The following AKAP6 variants were observed in gnomAD, a reference collection of about 807,000 sequenced individuals.
AKAP6 encodes the protein A-kinase anchor protein 6.
In AKAP6, 58 loss-of-function variants were observed where a neutral mutation model predicts 188.5. The ratio of observed to expected loss-of-function variants is 0.31; its 90% CI spans 0.25 to 0.38. AKAP6 has a LOEUF of 0.38. Ranked by LOEUF, AKAP6 falls within the 10% of genes least tolerant of loss-of-function variation. The pLI, the probability that AKAP6 is intolerant of heterozygous loss-of-function variation, is 1.00. For missense variants in AKAP6, 2,710 were observed against 2,740.0 expected (o/e 0.99, Z 0.24); for synonymous variants, 989 against 998.6 (o/e 0.99, Z 0.18).
chr14:32,502,424 C>T (rs534725798), intron 2 of AKAP6, among the ~76,000 whole-genome samples: 36 of 152,200 alleles, frequency 2.4e-4, no homozygotes, highest in Non-Finnish European at 3.8e-4. Context: ...AAATTACCCA[C>T]GGCAAACTGG....
chr14:32,341,478 A>G (rs907915740), intron 1 of AKAP6, among the ~76,000 whole-genome samples: 2 of 152,220 alleles, frequency 1.3e-5, no homozygotes, highest in Admixed American at 1.3e-4. Context: ...TACTATTTTT[A>G]TAACTCAGTG....
chr14:32,689,320 T>C (rs1241996304), intron 8 of AKAP6, among the ~76,000 whole-genome samples: 8 of 152,148 alleles, frequency 5.3e-5, no homozygotes, highest in African/African-American at 1.9e-4. Flanking sequence ...TGGATTATCT[T>C]GGTGCTTTAT....
At chr14:32,335,043 T>C (rs1273386531) in intron 1 of AKAP6, among the ~76,000 whole-genome samples, 1 of 152,162 alleles carries the variant, frequency 6.6e-6, no homozygotes, top group Non-Finnish European at 1.5e-5. Context: ...CTTGAAATTC[T>C]AGGCTCAAAC....
intron 2 of AKAP6, among the ~76,000 whole-genome samples, chr14:32,443,405 A>AC (rs58400376): frequency 0.2 from 26,960 of 135,470 alleles, 4,075 homozygotes; most frequent in African/African-American, 0.5. Flanking sequence ...AACAAAACAA[A>AC]ACAAAAAAAA....
At chr14:32,514,284 T>A (rs1881408377) in intron 2 of AKAP6, among the ~76,000 whole-genome samples, 1 of 152,218 alleles carries the variant, frequency 6.6e-6, no homozygotes, top group South Asian at 2.1e-4. Context: ...TAAAAACTTG[T>A]GTCTATAATA....
chr14:32,560,130 A>T (rs535783706), intron 4 of AKAP6, among the ~76,000 whole-genome samples: 2 of 152,304 alleles, frequency 1.3e-5, no homozygotes, highest in Admixed American at 6.5e-5. Flanking sequence ...TACACAGTAG[A>T]TGAATGGGGC....
intron 2 of AKAP6, among the ~76,000 whole-genome samples, chr14:32,512,522 AC>A (rs1881311617): frequency 6.6e-6 from 1 of 152,072 alleles, no homozygotes; most frequent in African/African-American, 2.4e-5. Context: ...ATTTGAATGA[AC>A]CCTTCATCCT....
At chr14:32,449,938 G>C (rs897934291) in intron 2 of AKAP6, among the ~76,000 whole-genome samples, 2 of 152,168 alleles carry the variant, frequency 1.3e-5, no homozygotes, top group African/African-American at 4.8e-5. Context: ...TTAATGGCTG[G>C]AATGGGAGTT....
In AKAP6 at chr14:32,773,713, A is replaced by G; in HGVS notation, c.3408A>G (p.Gly1136=). The G allele has an allele frequency of 6.2e-7, 1 of 1,614,100 alleles. No individual in the cohort carries two copies. Among genetic ancestry groups the G allele is most frequent in the Non-Finnish European group, 8.5e-7 (1 of 1,179,956 alleles). ...GTGAAATCAAGCAACGACGTCGAGG[A>G]GTTGCCTCCATTCTGCGACTATGCC... ...LCREIKQRRR[G]VASILRLCQH... The change falls in exon 12 of 14, where the codon GGA becomes GGG. Residue 1136 remains glycine, a synonymous_variant. Coordinates refer to ENST00000280979, the MANE Select transcript of AKAP6 (RefSeq NM_004274.5).
Position 32,461,159 on chromosome 14 carries a change from C to T in AKAP6, c.324+27342C>T, listed in dbSNP as rs1411354778. Among the ~76,000 whole-genome samples the T allele has an allele frequency of 2.0e-5, 3 of 152,200 alleles. No homozygotes were observed. In the East Asian group the frequency reaches 5.8e-4, roughly 29 times the overall value. ...GCTTCAGCAGGTTTAGTTGTTCCTG[C>T]CTGTTCTCTGAAATGAGCAGCTGAT... On this transcript the variant is annotated intron_variant, in intron 2 of 13. Coordinates refer to ENST00000280979, the MANE Select transcript of AKAP6 (RefSeq NM_004274.5).
At chr14:32,807,251 A>T (rs2034114845) in intron 12 of AKAP6, among the ~76,000 whole-genome samples, 1 of 151,572 alleles carries the variant, frequency 6.6e-6, no homozygotes, top group Admixed American at 6.6e-5. Flanking sequence ...GCCTGAGTGC[A>T]GGAGCTCAAG....
intron 2 of AKAP6, among the ~76,000 whole-genome samples, chr14:32,493,053 G>A (rs1159907703): frequency 1.3e-5 from 2 of 152,254 alleles, no homozygotes; most frequent in East Asian, 3.9e-4. Context: ...TGGGGTGCTG[G>A]AGAAAAAGGG....
chr14:32,357,989 G>T (rs1454009411), intron 1 of AKAP6, among the ~76,000 whole-genome samples: 1 of 152,202 alleles, frequency 6.6e-6, no homozygotes, highest in African/African-American at 2.4e-5. Context: ...AATACCAGCT[G>T]CACTTTACTG....
intron 5 of AKAP6, among the ~76,000 whole-genome samples, chr14:32,579,211 T>C (rs1425804353): frequency 6.6e-6 from 1 of 152,158 alleles, no homozygotes. Context: ...TGCCTCGTAA[T>C]GACATTTTCA....
At chr14:32,571,083 A>T (rs370617145) in intron 4 of AKAP6, among the ~76,000 whole-genome samples, 3 of 152,336 alleles carry the variant, frequency 2.0e-5, no homozygotes, top group South Asian at 2.1e-4. Flanking sequence ...TGAGACTTAA[A>T]TGATCTACTT....
Position 32,357,914 on chromosome 14 carries a change from T to A in AKAP6, c.-35+28506T>A, listed in dbSNP as rs139990608. The stretch of plus-strand genomic sequence containing the variant: ...AGGGGATGAGCATTCTCTCCTTGTA[T>A]GTGGTTTTGCTACCAGTTATTTATT... On this transcript the variant is annotated intron_variant, in intron 1 of 13. Transcript: ENST00000280979. Among the ~76,000 whole-genome samples, 48 of 152,350 alleles carry A rather than the reference T, an allele frequency of 3.2e-4. No individual in the cohort carries two copies. In the East Asian group the frequency reaches 8.9e-3, roughly 28 times the overall value.
At chr14:32,388,529 C>T (rs1594567463) in intron 1 of AKAP6, among the ~76,000 whole-genome samples, 2 of 152,100 alleles carry the variant, frequency 1.3e-5, no homozygotes, top group Admixed American at 1.3e-4. Context: ...TGCTATGACC[C>T]AGAGGTTTGG....
intron 12 of AKAP6, among the ~76,000 whole-genome samples, chr14:32,781,430 A>G (rs2033248257): frequency 6.6e-6 from 1 of 152,036 alleles, no homozygotes. Context: ...TTAGTTTAAA[A>G]CCTCCCCAGA....
chr14:32,811,583 T>G (rs2034236128), intron 12 of AKAP6, among the ~76,000 whole-genome samples: 1 of 152,142 alleles, frequency 6.6e-6, no homozygotes, highest in South Asian at 2.1e-4. Context: ...GTGAAGGCAG[T>G]CTTGTGGGAC....
Sources: gnomAD v4.1 joint callset for allele counts (sites outside exome capture counted in the v4.1 genomes callset) on GRCh38, gnomAD v4.1.1 for gene constraint, MANE v1.5 for transcripts, NCBI Gene and HGNC (gene_info 2026-07-23, HGNC 2026-07-21) for gene names.